Variants in TRAF3 observed in about 807,000 individuals in gnomAD.
TRAF3 encodes TNF receptor-associated factor 3.
TRAF3 carries 13 observed loss-of-function variants against 62.3 expected under a neutral mutation model. The ratio of observed to expected loss-of-function variants is 0.21; its 90% CI spans 0.14 to 0.33. TRAF3 has a LOEUF of 0.33. Among genes scored for constraint, TRAF3 ranks in the 10% least tolerant of loss-of-function variants. TRAF3 has a pLI of 1.00. For missense variants in TRAF3, 440 were observed against 741.8 expected (o/e 0.59, Z 4.73); for synonymous variants, 269 against 283.4 (o/e 0.95, Z 0.51).
chr14:102,858,393 T>G (rs913417121), intron 2 of TRAF3, among the ~76,000 whole-genome samples: 1 of 152,176 alleles, frequency 6.6e-6, no homozygotes, highest in Non-Finnish European at 1.5e-5. Context: ...CCTCAGGTGA[T>G]CCACCCACCT....
rs139519339 is a variant in TRAF3 at position 102,874,450 on chromosome 14, G to T, written c.298-1174G>T. The stretch of plus-strand genomic sequence containing the variant: ...TTTTTTGTATTTCTAGTAGAGATGG[G>T]GTTTCACCGTGTTGGCCAGGCTGGT... On this transcript the variant is annotated intron_variant, in intron 4 of 11. Transcript: ENST00000392745. 3.9e-3 allele frequency among the ~76,000 whole-genome samples: 595 copies of T among 152,072 alleles called. 7 individuals carry two copies. Among genetic ancestry groups the T allele is most frequent in the African/African-American group, 0.013 (554 of 41,486 alleles).
Position 102,905,870 on chromosome 14 carries a change from AG to A in TRAF3, c.*87del. ...TGTCTTCACTGAGGTCCTCGCGCTC[AG>A]AAAAGGACCTTGTGAGACGGAGGAA... On this transcript the variant is annotated 3_prime_UTR_variant, in exon 12 of 12. Transcript: ENST00000392745. 1 of 1,270,180 alleles carries A rather than the reference AG, an allele frequency of 7.9e-7. No individual in the cohort carries two copies. The highest frequency in any genetic ancestry group is 1.1e-6 in the Non-Finnish European group (1 of 908,114). The allele number at this position is 1,270,180 out of a possible 1,614,324, so 78.7% of individuals were successfully genotyped here. A position where few individuals can be genotyped will look rare whatever the true frequency, so the allele number is the denominator to read the frequency against.
chr14:102,896,666 G>A (rs1228672135), intron 9 of TRAF3, among the ~76,000 whole-genome samples: 1 of 152,148 alleles, frequency 6.6e-6, no homozygotes, highest in Non-Finnish European at 1.5e-5. Flanking sequence ...GCAAAAACTT[G>A]AAAAAGCATC....
rs1890650493 is a variant in TRAF3 at position 102,907,647 on chromosome 14, C to T, written c.*1863C>T. On this transcript the variant is annotated 3_prime_UTR_variant, in exon 12 of 12. Coordinates refer to ENST00000392745, the MANE Select transcript of TRAF3 (RefSeq NM_145725.3). ...TCTCCCCGTGGCCGCGCGGGGACAG[C>T]TTGGTGGGTGCCCGGTGGCCCACCT... is the stretch of plus-strand genomic sequence containing the variant. 1 of 152,310 alleles carries T rather than the reference C, an allele frequency of 6.6e-6. No individual in the cohort carries two copies. Among genetic ancestry groups the T allele is most frequent in the Admixed American group, 6.5e-5 (1 of 15,282 alleles). 9.4% of individuals were successfully genotyped at this position (152,310 alleles called of 1,614,324 possible). A position where few individuals can be genotyped will look rare whatever the true frequency, so the allele number is the denominator to read the frequency against.
At chr14:102,783,029 C>T (rs537854771) in intron 1 of TRAF3, among the ~76,000 whole-genome samples, 3 of 152,106 alleles carry the variant, frequency 2.0e-5, no homozygotes, top group Non-Finnish European at 4.4e-5. Context: ...GGTTAATGCC[C>T]GTTAGGAGGC....
chr14:102,876,479 C>T lies in TRAF3; in HGVS notation c.524C>T (p.Ala175Val). ...GAGAAGGCGTGTAAATACCGGGAAG[C>T]CACATGCAGCCACTGCAAGAGTCAG... ...HVEKACKYREATCSHCKSQVP... is the reference protein window; with the variant it reads ...HVEKACKYREVTCSHCKSQVP... The change falls in exon 6 of 12, where the codon GCC (alanine) becomes GTC (valine). Residue 175 changes from alanine (A) to valine (V), a missense_variant. Transcript: ENST00000392745. The T allele has an allele frequency of 6.2e-7, 1 of 1,614,160 alleles. No individual in the cohort carries two copies. Among genetic ancestry groups the T allele is most frequent in the South Asian group, 1.1e-5 (1 of 91,078 alleles).
intron 2 of TRAF3, among the ~76,000 whole-genome samples, chr14:102,846,666 A>AAT (rs1491218186): frequency 1.4e-5 from 2 of 147,898 alleles, no homozygotes; most frequent in South Asian, 2.1e-4. Context: ...AAAAAAAAAA[A>AAT]TTTTCCGGAC....
chr14:102,895,725 T>C (rs1445752159), intron 9 of TRAF3, among the ~76,000 whole-genome samples: 2 of 152,194 alleles, frequency 1.3e-5, no homozygotes, highest in Non-Finnish European at 2.9e-5. Flanking sequence ...CTTGAACTTT[T>C]CATCTTTGAG....
intron 1 of TRAF3, among the ~76,000 whole-genome samples, chr14:102,781,792 ATTT>A (rs916288245): frequency 1.8e-5 from 2 of 111,242 alleles, no homozygotes; most frequent in Non-Finnish European, 1.9e-5. Context: ...ACGCTTGGCT[ATTT>A]TTTTTTTTTT....
intron 1 of TRAF3, among the ~76,000 whole-genome samples, chr14:102,819,936 G>A (rs919509273): frequency 2.0e-5 from 3 of 152,254 alleles, no homozygotes; most frequent in Non-Finnish European, 4.4e-5. Context: ...TTGCAGAGAA[G>A]GGATTATGGA....
At chr14:102,853,862 T>C (rs544187534) in intron 2 of TRAF3, among the ~76,000 whole-genome samples, 3 of 151,042 alleles carry the variant, frequency 2.0e-5, no homozygotes, top group Admixed American at 6.6e-5. Context: ...AAGAATGTTA[T>C]GCAACCATCA....
At chr14:102,856,807 A>G (rs535655529) in intron 2 of TRAF3, among the ~76,000 whole-genome samples, 1 of 152,292 alleles carries the variant, frequency 6.6e-6, no homozygotes, top group African/African-American at 2.4e-5. Flanking sequence ...TTCAGGCTGA[A>G]TGGGGCGATG....
intron 1 of TRAF3, among the ~76,000 whole-genome samples, chr14:102,795,354 C>T (rs1024123698): frequency 1.3e-5 from 2 of 152,194 alleles, no homozygotes; most frequent in Non-Finnish European, 2.9e-5. Context: ...GAGGGAAGAG[C>T]TATGTCTGCC....
intron 2 of TRAF3, among the ~76,000 whole-genome samples, chr14:102,850,895 C>G (rs568213410): frequency 7.6e-4 from 115 of 152,124 alleles, no homozygotes; most frequent in Non-Finnish European, 1.5e-3. Context: ...ACATTTCTCT[C>G]TGTGTGGAAG....
intron 1 of TRAF3, among the ~76,000 whole-genome samples, chr14:102,804,824 T>G (rs938642081): frequency 2.0e-5 from 3 of 152,134 alleles, no homozygotes; most frequent in Non-Finnish European, 4.4e-5. Flanking sequence ...CCTTTTTTTC[T>G]AAAATTCATA....
At chr14:102,825,328 C>T (rs981155972) in intron 1 of TRAF3, among the ~76,000 whole-genome samples, 3 of 152,226 alleles carry the variant, frequency 2.0e-5, no homozygotes, top group Admixed American at 2.0e-4. Context: ...CTGCGGGGAC[C>T]TGGCACCCGT....
At chr14:102,820,854 G>A (rs1430905131) in intron 1 of TRAF3, among the ~76,000 whole-genome samples, 7 of 151,040 alleles carry the variant, frequency 4.6e-5, no homozygotes, top group Admixed American at 4.6e-4. Flanking sequence ...GGCTGGTCTT[G>A]AACTCCTGGG....
intron 3 of TRAF3, 108 bp downstream of exon 3, chr14:102,870,554 A>C: frequency 4.8e-6 from 7 of 1,448,650 alleles, no homozygotes; most frequent in Non-Finnish European, 5.6e-6. Context: ...TAAAGCCCTA[A>C]AGAAGTCCAT....
At chr14:102,782,912 A>G (rs1414747034) in intron 1 of TRAF3, among the ~76,000 whole-genome samples, 2 of 152,202 alleles carry the variant, frequency 1.3e-5, no homozygotes, top group Non-Finnish European at 2.9e-5. Context: ...CAAGTGGGGT[A>G]ATATAATCTG....
Sources: gnomAD v4.1 joint callset for allele counts (sites outside exome capture counted in the v4.1 genomes callset) on GRCh38, gnomAD v4.1.1 for gene constraint, MANE v1.5 for transcripts, NCBI Gene and HGNC (gene_info 2026-07-23, HGNC 2026-07-21) for gene names.